Variants in SPECC1L observed in about 807,000 individuals in gnomAD.
SPECC1L encodes sperm antigen with calponin homology and coiled-coil domains 1 like, also known as cytospin-A.
SPECC1L carries 40 observed loss-of-function variants against 116.8 expected under a neutral mutation model. That is an observed-to-expected ratio of 0.34 (90% CI 0.27 to 0.45). The LOEUF (loss-of-function observed/expected upper bound fraction) is 0.45. Ranked by LOEUF, SPECC1L falls within the 20% of genes least tolerant of loss-of-function variation. The pLI, the probability that SPECC1L is intolerant of heterozygous loss-of-function variation, is 1.00. For synonymous variants in SPECC1L, 504 were observed against 500.6 expected, an observed-to-expected ratio of 1.01 and a Z score of -0.09; for missense variants, 1,110 against 1,373.6, an observed-to-expected ratio of 0.81 and a Z score of 3.03.
chr22:24,387,052 C>T (rs1172429807), intron 14 of SPECC1L, among the ~76,000 whole-genome samples: 1 of 152,074 alleles, frequency 6.6e-6, no homozygotes, highest in African/African-American at 2.4e-5. Context: ...ACACTTGCAC[C>T]CTGCTGACAG....
intron 1 of SPECC1L, 25 bp downstream of exon 1, chr22:24,271,008 C>T (rs892998990): frequency 5.9e-5 from 9 of 152,440 alleles, no homozygotes; most frequent in African/African-American, 2.2e-4. Flanking sequence ...CGGGTTCCCG[C>T]AGTGTTCGCT....
intron 16 of SPECC1L, among the ~76,000 whole-genome samples, chr22:24,413,320 A>T (rs1255644377): frequency 6.6e-6 from 1 of 152,174 alleles, no homozygotes; most frequent in Non-Finnish European, 1.5e-5. Context: ...TAGCGTCCAA[A>T]TCCAAAGCCA....
At chr22:24,393,315 T>C (rs1399149302) in intron 14 of SPECC1L, among the ~76,000 whole-genome samples, 1 of 152,184 alleles carries the variant, frequency 6.6e-6, no homozygotes, top group Non-Finnish European at 1.5e-5. Flanking sequence ...TGAGAGGGAA[T>C]CTGGGTAGAT....
Position 24,347,106 on chromosome 22 carries a change from A to G in SPECC1L, c.2673A>G (p.Pro891=). Residue 891 remains proline, a synonymous_variant, in exon 11 of 17, where the codon CCA becomes CCG. Coordinates refer to ENST00000314328, the MANE Select transcript of SPECC1L (RefSeq NM_015330.6). ...TTCAGAGACATTCCATAAGTGGACC[A>G]ATCTCAACATCCAAACCCCTGACAG... ...SPMQRHSISG[P]ISTSKPLTAL... is the part of the protein sequence containing the mutation. The G allele has an allele frequency of 6.2e-7, 1 of 1,613,996 alleles. No individual in the cohort carries two copies. The highest frequency in any genetic ancestry group is 8.5e-7 in the Non-Finnish European group (1 of 1,179,872).
intron 14 of SPECC1L, among the ~76,000 whole-genome samples, chr22:24,403,659 A>AG (rs1215514015): frequency 6.6e-6 from 1 of 152,222 alleles, no homozygotes; most frequent in African/African-American, 2.4e-5. Flanking sequence ...CTTCCCTCAG[A>AG]GGGAAACCCC....
At chr22:24,284,848 C>T (rs766932516) in intron 2 of SPECC1L, among the ~76,000 whole-genome samples, 12 of 152,112 alleles carry the variant, frequency 7.9e-5, no homozygotes, top group Admixed American at 2.6e-4. Context: ...TCAGAGAGAT[C>T]GGTGTCAGTC....
chr22:24,317,958 TG>T (rs1223610470), intron 4 of SPECC1L, among the ~76,000 whole-genome samples: 1 of 141,664 alleles, frequency 7.1e-6, no homozygotes, highest in Non-Finnish European at 1.5e-5. Context: ...ACTTCCTAGA[TG>T]GGATGGCGGC....
rs200065821 is a variant in SPECC1L at position 24,375,949 on chromosome 22, C to CA, written c.3087+6633dup. ...TGGGTGACAGAGTGAGACTCTGTCT[C>CA]AAAACAAACAAACAAACAAACAAAA... On this transcript the variant is annotated intron_variant, in intron 14 of 16. Transcript: ENST00000314328. Among the ~76,000 whole-genome samples, 1,170 of 149,626 alleles carry CA rather than the reference C, an allele frequency of 7.8e-3. 9 individuals are homozygous for CA. Among genetic ancestry groups the CA allele is most frequent in the South Asian group, 0.024 (116 of 4,748 alleles).
chr22:24,354,670 C>CTTT (rs531632375), intron 11 of SPECC1L, among the ~76,000 whole-genome samples: 2 of 139,892 alleles, frequency 1.4e-5, no homozygotes, highest in Non-Finnish European at 1.6e-5. Context: ...TCTGGTTACT[C>CTTT]TTTTTTTTTT....
Position 24,347,076 on chromosome 22 carries a change from A to T in SPECC1L, c.2653-10A>T. 6.2e-7 allele frequency: 1 copy of T among 1,609,892 alleles called. No homozygotes were observed. The highest frequency in any genetic ancestry group is 8.5e-7 in the Non-Finnish European group (1 of 1,176,256). ...TTTTAACTTTGATGTTGTTTATCTT[A>T]TGATTTCAGAGACATTCCATAAGTG... On this transcript the variant is annotated splice_polypyrimidine_tract_variant and intron_variant, in intron 10 of 16. Transcript: ENST00000314328.
At chr22:24,395,173 T>G (rs1478873473) in intron 14 of SPECC1L, among the ~76,000 whole-genome samples, 1 of 152,230 alleles carries the variant, frequency 6.6e-6, no homozygotes, top group Non-Finnish European at 1.5e-5. Context: ...ATTTTTTCTT[T>G]TATGAAGCAT....
intron 14 of SPECC1L, among the ~76,000 whole-genome samples, chr22:24,372,763 A>G (rs2041896893): frequency 6.6e-6 from 1 of 151,128 alleles, no homozygotes; most frequent in African/African-American, 2.4e-5. Flanking sequence ...TAGTGTTGGA[A>G]GTTCTGGCCA....
At chr22:24,344,402 C>T (rs1479475458) in intron 10 of SPECC1L, among the ~76,000 whole-genome samples, 2 of 151,268 alleles carry the variant, frequency 1.3e-5, no homozygotes, top group Non-Finnish European at 2.9e-5. Flanking sequence ...ATTTTACATC[C>T]ATTCATAGTA....
At chr22:24,406,780 C>T (rs1449035962) in intron 14 of SPECC1L, among the ~76,000 whole-genome samples, 1 of 152,206 alleles carries the variant, frequency 6.6e-6, no homozygotes, top group Non-Finnish European at 1.5e-5. Flanking sequence ...TGGAGGGGAG[C>T]TCCCCGCCTT....
intron 14 of SPECC1L, among the ~76,000 whole-genome samples, chr22:24,374,215 G>A (rs1216826173): frequency 2.0e-5 from 3 of 151,962 alleles, no homozygotes; most frequent in Non-Finnish European, 2.9e-5. Flanking sequence ...TCAGTGTGGC[G>A]ATTCCTCAGG....
intron 1 of SPECC1L, among the ~76,000 whole-genome samples, chr22:24,272,650 G>A (rs960652183): frequency 2.6e-4 from 39 of 148,706 alleles, no homozygotes; most frequent in African/African-American, 9.5e-4. Context: ...CTGGGCGACA[G>A]AGTGAGACTC....
At chr22:24,360,696 C>T (rs935770295) in intron 11 of SPECC1L, among the ~76,000 whole-genome samples, 2 of 152,106 alleles carry the variant, frequency 1.3e-5, no homozygotes, top group Non-Finnish European at 2.9e-5. Flanking sequence ...TTTGTCTTTT[C>T]AACCTTCGTT....
chr22:24,286,368 T>C (rs1421155340), intron 2 of SPECC1L, among the ~76,000 whole-genome samples: 5 of 152,244 alleles, frequency 3.3e-5, no homozygotes, highest in Admixed American at 3.3e-4. Flanking sequence ...AGTACCTGAT[T>C]GGTTATGTTA....
Position 24,322,018 on chromosome 22 carries a change from CAGTG to C in SPECC1L, c.1043_1046del (p.Glu348AlafsTer29). ...ACAGTAACTCCATGGACAATTTAGACAGTGAGTGCAGTGAGGTCTACCAGCCCCT... is the reference window on the plus strand; with the variant it reads ...ACAGTAACTCCATGGACAATTTAGACAGTGCAGTGAGGTCTACCAGCCCCT... On this transcript the variant is annotated frameshift_variant, in exon 5 of 17. Transcript: ENST00000314328. LOFTEE classifies it high-confidence loss of function. The C allele has an allele frequency of 6.2e-7, 1 of 1,614,174 alleles. No homozygotes were observed. The highest frequency in any genetic ancestry group is 8.5e-7 in the Non-Finnish European group (1 of 1,180,026).
Sources: allele counts gnomAD v4.1 joint callset (sites outside exome capture counted in the v4.1 genomes callset), GRCh38; gene constraint gnomAD v4.1.1; transcripts MANE v1.5; gene names NCBI Gene and HGNC (gene_info 2026-07-23, HGNC 2026-07-21).